TAFA5: variants seen among roughly 807,000 people sequenced by gnomAD.
The protein encoded by TAFA5 is TAFA chemokine like family member 5, also known as chemokine-like protein TAFA-5.
A neutral mutation model predicts 15.3 loss-of-function variants in TAFA5; 6 were observed. That is an observed-to-expected ratio of 0.39 (90% CI 0.21 to 0.77). The LOEUF is 0.77. TAFA5 is among the 30% of genes least tolerant of loss of function. TAFA5 has a pLI of 0.41. For missense variants in TAFA5, 161 were observed against 193.1 expected, an observed-to-expected ratio of 0.83 and a Z score of 0.98; for synonymous variants, 103 against 80.7, an observed-to-expected ratio of 1.28 and a Z score of -1.48.
Position 48,513,321 on chromosome 22 carries a change from T to A in TAFA5, c.112+23617T>A, listed in dbSNP as rs1251097308. Among the ~76,000 whole-genome samples the A allele has an allele frequency of 1.3e-5, 2 of 152,224 alleles. 1 individual carries two copies. The highest frequency in any genetic ancestry group is 1.3e-4 in the Admixed American group (2 of 15,292). On this transcript the variant is annotated intron_variant, in intron 1 of 3. Coordinates refer to ENST00000402357, the MANE Select transcript of TAFA5 (RefSeq NM_001082967.3). ...TGTTTTCTTGTAACATCGAAGCGTT[T>A]TGTTACAGGCCGTTTTGCTTCAAGC...
rs78476124 is a variant in TAFA5, at chr22:48,697,014, G to A, written c.263-10703G>A. On this transcript the variant is annotated intron_variant, in intron 2 of 3. Coordinates refer to ENST00000402357, the MANE Select transcript of TAFA5 (RefSeq NM_001082967.3). ...TTAGATGAGAAACCAGGGGCAAAAGGGCTTCCTTGAAGGGATGGGGAAGAT... is the reference window on the plus strand; with the variant it reads ...TTAGATGAGAAACCAGGGGCAAAAGAGCTTCCTTGAAGGGATGGGGAAGAT... Among the ~76,000 whole-genome samples the A allele has an allele frequency of 8.5e-5, 13 of 152,320 alleles. No homozygotes were observed. In the East Asian group the frequency reaches 2.3e-3, roughly 27 times the overall value.
intron 1 of TAFA5, among the ~76,000 whole-genome samples, chr22:48,568,633 T>G (rs918425395): frequency 6.6e-6 from 1 of 152,222 alleles, no homozygotes; most frequent in African/African-American, 2.4e-5. Flanking sequence ...CTGCCTGCAT[T>G]TGCTGTAATC....
intron 2 of TAFA5, among the ~76,000 whole-genome samples, chr22:48,665,422 G>A (rs949727172): frequency 2.0e-5 from 3 of 152,122 alleles, no homozygotes; most frequent in Non-Finnish European, 4.4e-5. Context: ...TCCCTTCCAG[G>A]TCGTGTGTTT....
At chr22:48,627,106 G>C (rs1367384052) in intron 1 of TAFA5, among the ~76,000 whole-genome samples, 1 of 152,220 alleles carries the variant, frequency 6.6e-6, no homozygotes, top group East Asian at 1.9e-4. Context: ...ACACACCAAG[G>C]CCAGAAGACA....
chr22:48,674,968 T>C lies in TAFA5; in HGVS notation c.262+28222T>C, dbSNP rs573614442. Among the ~76,000 whole-genome samples the C allele has an allele frequency of 6.3e-5, 9 of 143,388 alleles. 1 individual carries two copies. In the South Asian group the frequency reaches 2.0e-3, roughly 32 times the overall value. 94.1% of individuals were successfully genotyped at this position (143,388 alleles called of 152,430 possible). A position where few individuals can be genotyped will look rare whatever the true frequency, so the allele number is the denominator to read the frequency against. The stretch of plus-strand genomic sequence containing the variant: ...GTTTTTTTTTTTTTTTGAGATGGAG[T>C]CTCGCTCTGTCACCCAGGCTTGGAG... On this transcript the variant is annotated intron_variant, in intron 2 of 3. Coordinates refer to ENST00000402357, the MANE Select transcript of TAFA5 (RefSeq NM_001082967.3).
At chr22:48,681,272 A>G (rs1928174869) in intron 2 of TAFA5, among the ~76,000 whole-genome samples, 1 of 152,202 alleles carries the variant, frequency 6.6e-6, no homozygotes, top group South Asian at 2.1e-4. Context: ...AGAAGCACAG[A>G]AAATGAGGGG....
rs547358694 is a variant in TAFA5, at chr22:48,637,179, G to T, written c.113-9418G>T. 3.3e-5 allele frequency among the ~76,000 whole-genome samples: 5 copies of T among 152,336 alleles called. No individual in the cohort carries two copies. In the South Asian group the frequency reaches 1.0e-3, roughly 32 times the overall value. On this transcript the variant is annotated intron_variant, in intron 1 of 3. Coordinates refer to ENST00000402357, the MANE Select transcript of TAFA5 (RefSeq NM_001082967.3). ...GGTGGGCAGGGCTGGGGATGCCTGT[G>T]GGGGCCTCTTGAACAGGGCCGTGGC...
At chr22:48,633,246 G>A (rs1047126711) in intron 1 of TAFA5, among the ~76,000 whole-genome samples, 6 of 152,346 alleles carry the variant, frequency 3.9e-5, no homozygotes, top group East Asian at 3.9e-4. Context: ...AGGAGGGCAC[G>A]AATGTCATCT....
At chr22:48,542,498 GT>G (rs1417667218) in intron 1 of TAFA5, among the ~76,000 whole-genome samples, 17 of 122,410 alleles carry the variant, frequency 1.4e-4, no homozygotes, top group Admixed American at 2.6e-4. Flanking sequence ...TGTGGTGTGT[GT>G]GCGTGTGTGG....
rs970989295 is a variant in TAFA5 at position 48,535,478 on chromosome 22, T to C, written c.112+45774T>C. On this transcript the variant is annotated intron_variant, in intron 1 of 3. Coordinates refer to ENST00000402357, the MANE Select transcript of TAFA5 (RefSeq NM_001082967.3). ...GTCTGTGTTGCTATACGCATATGTG[T>C]AGGTGTGAGCACACTGCACACGCAA... 1.2e-4 allele frequency among the ~76,000 whole-genome samples: 18 copies of C among 152,404 alleles called. No individual in the cohort carries two copies. The South Asian group carries it at 3.7e-3, about 32-fold the overall frequency.
intron 3 of TAFA5, among the ~76,000 whole-genome samples, chr22:48,740,148 G>A (rs1930138857): frequency 6.6e-6 from 1 of 152,196 alleles, no homozygotes; most frequent in African/African-American, 2.4e-5. Context: ...CCTGGAGAGG[G>A]TGAATGGATG....
chr22:48,642,220 C>A (rs1438244562), intron 1 of TAFA5, among the ~76,000 whole-genome samples: 1 of 152,192 alleles, frequency 6.6e-6, no homozygotes, highest in East Asian at 1.9e-4. Flanking sequence ...TGTGGGGAGG[C>A]CTCGCCACTG....
chr22:48,596,872 G>C (rs768419813), intron 1 of TAFA5, among the ~76,000 whole-genome samples: 1 of 152,134 alleles, frequency 6.6e-6, no homozygotes, highest in Non-Finnish European at 1.5e-5. Context: ...GCAGTGGTGC[G>C]ACCTCAGCTC....
chr22:48,608,889 C>G (rs28568716), intron 1 of TAFA5, among the ~76,000 whole-genome samples: 102,600 of 152,160 alleles, frequency 0.67, 34,658 homozygotes, highest in East Asian at 0.7. Context: ...AGGTTTGCAG[C>G]CCTTGTGCTG....
At chr22:48,668,741 C>T (rs1004514105) in intron 2 of TAFA5, among the ~76,000 whole-genome samples, 31 of 152,120 alleles carry the variant, frequency 2.0e-4, no homozygotes, top group Admixed American at 1.2e-3. Flanking sequence ...CACTCGGGGC[C>T]GCGTCTTCAC....
At chr22:48,561,553 C>A (rs1403419180) in intron 1 of TAFA5, among the ~76,000 whole-genome samples, 1 of 152,180 alleles carries the variant, frequency 6.6e-6, no homozygotes, top group African/African-American at 2.4e-5. Flanking sequence ...ATGTTTGCCA[C>A]CCCTGTTTGT....
chr22:48,615,739 G>T (rs112676729), intron 1 of TAFA5, among the ~76,000 whole-genome samples: 8 of 152,164 alleles, frequency 5.3e-5, no homozygotes, highest in Non-Finnish European at 1.0e-4. Context: ...GACAAGAAAG[G>T]CAATGCCTCT....
chr22:48,649,641 G>A (rs970540903), intron 2 of TAFA5, among the ~76,000 whole-genome samples: 6 of 152,044 alleles, frequency 3.9e-5, no homozygotes, highest in African/African-American at 7.2e-5. Flanking sequence ...GAGGCGTGGC[G>A]GTCTTCTTCC....
chr22:48,575,867 G>T (rs1923760714), intron 1 of TAFA5, among the ~76,000 whole-genome samples: 2 of 142,746 alleles, frequency 1.4e-5, no homozygotes, highest in South Asian at 2.2e-4. Context: ...AGCCTGGCCC[G>T]CCGCGGCGGC....
Sources: allele counts gnomAD v4.1 joint callset (sites outside exome capture counted in the v4.1 genomes callset), GRCh38; gene constraint gnomAD v4.1.1; transcripts MANE v1.5; gene names NCBI Gene and HGNC (gene_info 2026-07-23, HGNC 2026-07-21).